CRYBG3: variants seen among roughly 807,000 people sequenced by gnomAD.
CRYBG3 encodes the protein crystallin beta-gamma domain containing 3.
In CRYBG3, 127 loss-of-function variants were observed where a neutral mutation model predicts 244.2. The ratio of observed to expected loss-of-function variants is 0.52; its 90% CI spans 0.45 to 0.60. The LOEUF (loss-of-function observed/expected upper bound fraction) is 0.60, where lower values mean the gene tolerates loss of function less well. Ranked by LOEUF, CRYBG3 falls within the 20% of genes least tolerant of loss-of-function variation. The pLI is 0.00. For synonymous variants in CRYBG3, 1,132 were observed against 1,195.8 expected, an observed-to-expected ratio of 0.95 and a Z score of 1.10; for missense variants, 3,325 against 3,442.5, an observed-to-expected ratio of 0.97 and a Z score of 0.85.
At chr3:97,903,799 G>A (rs2039732218) in intron 15 of CRYBG3, among the ~76,000 whole-genome samples, 1 of 152,140 alleles carries the variant, frequency 6.6e-6, no homozygotes, top group African/African-American at 2.4e-5. Context: ...TCATAATATA[G>A]TGGAGATAAT....
intron 2 of CRYBG3, among the ~76,000 whole-genome samples, chr3:97,859,829 GAGA>G (rs906235697): frequency 6.4e-4 from 98 of 152,226 alleles, no homozygotes; most frequent in African/African-American, 2.3e-3. Context: ...TTACTTGGCA[GAGA>G]AGATGTCCTT....
intron 7 of CRYBG3, among the ~76,000 whole-genome samples, chr3:97,884,994 G>A (rs926648321): frequency 6.6e-6 from 1 of 152,002 alleles, no homozygotes; most frequent in Non-Finnish European, 1.5e-5. Context: ...TATGTATTTT[G>A]TTACTATAAC....
chr3:97,868,893 G>T (rs1209547625), intron 3 of CRYBG3, among the ~76,000 whole-genome samples: 1 of 151,884 alleles, frequency 6.6e-6, no homozygotes, highest in Non-Finnish European at 1.5e-5. Flanking sequence ...TATTTCCACT[G>T]ACCATGAACA....
At chr3:97,911,223 C>T (rs779242363) in intron 15 of CRYBG3, among the ~76,000 whole-genome samples, 1 of 152,164 alleles carries the variant, frequency 6.6e-6, no homozygotes, top group Non-Finnish European at 1.5e-5. Context: ...GCCTTATCCT[C>T]GATGACAGCA....
intron 3 of CRYBG3, among the ~76,000 whole-genome samples, chr3:97,869,985 A>AATGTAT (rs2039282076): frequency 6.6e-6 from 1 of 152,162 alleles, no homozygotes; most frequent in Non-Finnish European, 1.5e-5. Context: ...TTGGCAATAA[A>AATGTAT]ATGTATTTTT....
At chr3:97,942,167 G>T in intron 20 of CRYBG3, 117 bp from the exon 21 acceptor site, 1 of 790,626 alleles carries the variant, frequency 1.3e-6, no homozygotes, top group Non-Finnish European at 1.9e-6. Flanking sequence ...TATTTTTTTA[G>T]ATAAGACACA....
chr3:97,823,162 A>G (rs2038530017), intron 1 of CRYBG3, among the ~76,000 whole-genome samples: 1 of 152,136 alleles, frequency 6.6e-6, no homozygotes, highest in Admixed American at 6.5e-5. Flanking sequence ...CCTCATTTAA[A>G]TGCCTGTTTC....
intron 3 of CRYBG3, among the ~76,000 whole-genome samples, chr3:97,870,742 T>G (rs1283597161): frequency 6.6e-6 from 1 of 152,160 alleles, no homozygotes; most frequent in Non-Finnish European, 1.5e-5. Context: ...CTTTACTTAT[T>G]CATTAATTCA....
chr3:97,853,707 C>A (rs115354327), intron 2 of CRYBG3, among the ~76,000 whole-genome samples: 1 of 152,080 alleles, frequency 6.6e-6, no homozygotes, highest in Non-Finnish European at 1.5e-5. Flanking sequence ...TCACTGAATC[C>A]GTGTCAACAT....
At chr3:97,903,732 A>G (rs1334236575) in intron 15 of CRYBG3, among the ~76,000 whole-genome samples, 1 of 152,200 alleles carries the variant, frequency 6.6e-6, no homozygotes, top group African/African-American at 2.4e-5. Context: ...ATATATTACC[A>G]CATATTGTTA....
rs552097229 is a variant in CRYBG3, at chr3:97,879,760, T to G, written c.6888+12T>G. 224 of 1,587,834 alleles carry G rather than the reference T, an allele frequency of 1.4e-4. No homozygotes were observed. Among genetic ancestry groups the G allele is most frequent in the Non-Finnish European group, 1.8e-4 (209 of 1,161,872 alleles). On this transcript the variant is annotated intron_variant, in intron 5 of 21. Coordinates refer to ENST00000389622, the MANE Select transcript of CRYBG3 (RefSeq NM_153605.4). Reference sequence around the variant, plus strand: ...CAAGACCTGGGAAGGTAAGGATAACTTTCTCAAACTAAGATAAAGGTTAAA... The same window carrying G: ...CAAGACCTGGGAAGGTAAGGATAACGTTCTCAAACTAAGATAAAGGTTAAA...
At position 97,886,681 on chromosome 3, in the gene CRYBG3, T is replaced by C. The variant is rs755031746; in HGVS notation, c.7203T>C (p.Cys2401=). The change falls in exon 8 of 22, where the codon TGT becomes TGC. Residue 2401 remains cysteine, a synonymous_variant. Transcript: ENST00000389622. ...IELFPQSDPA[C]CPVYIQRAVP... ...TTTTCCCACAATCTGACCCAGCCTG[T>C]TGTCCTGTCTACATACAGAGAGCAG... 1.9e-6 allele frequency: 3 copies of C among 1,612,090 alleles called. No homozygotes were observed. The South Asian group carries it at 3.3e-5, about 18-fold the overall frequency.
intron 8 of CRYBG3, among the ~76,000 whole-genome samples, chr3:97,888,015 T>G (rs831903): frequency 0.72 from 110,228 of 152,098 alleles, 41,542 homozygotes; most frequent in East Asian, 0.85. Context: ...AGTGAAATTG[T>G]TTTTGATTTT....
intron 15 of CRYBG3, among the ~76,000 whole-genome samples, chr3:97,900,921 C>T (rs914058600): frequency 5.9e-5 from 9 of 152,134 alleles, no homozygotes; most frequent in Non-Finnish European, 1.3e-4. Flanking sequence ...GAACTTGAAA[C>T]CCTATATTCA....
chr3:97,939,258 G>A (rs1027850686), intron 19 of CRYBG3, among the ~76,000 whole-genome samples: 1 of 151,872 alleles, frequency 6.6e-6, no homozygotes, highest in Non-Finnish European at 1.5e-5. Flanking sequence ...TTCCTATTCT[G>A]ATTAAACATT....
At chr3:97,903,909 G>T (rs907770156) in intron 15 of CRYBG3, among the ~76,000 whole-genome samples, 1 of 152,116 alleles carries the variant, frequency 6.6e-6, no homozygotes, top group Non-Finnish European at 1.5e-5. Flanking sequence ...TTTCCAGTTG[G>T]GGAGCTGTTA....
At chr3:97,904,401 T>C (rs1480190432) in intron 15 of CRYBG3, among the ~76,000 whole-genome samples, 1 of 152,202 alleles carries the variant, frequency 6.6e-6, no homozygotes, top group African/African-American at 2.4e-5. Context: ...TTTATAACAT[T>C]ATTTCTGCGT....
chr3:97,918,003 G>A (rs1043604578), intron 17 of CRYBG3, among the ~76,000 whole-genome samples: 13 of 151,922 alleles, frequency 8.6e-5, no homozygotes, highest in Middle Eastern at 3.4e-3. Context: ...GCCTTTTTTC[G>A]TAGATTTCCT....
rs542018819 is a variant in CRYBG3, at chr3:97,869,145, G to T, written c.648-2697G>T. Among the ~76,000 whole-genome samples the T allele has an allele frequency of 2.6e-5, 4 of 151,838 alleles. No individual in the cohort carries two copies. The South Asian group carries it at 6.2e-4, about 24-fold the overall frequency. The stretch of plus-strand genomic sequence containing the variant: ...ATTCATTTACCTATTTTTGCTTCTT[G>T]CCTATTTTCATGGACTGGTTGCCTT... On this transcript the variant is annotated intron_variant, in intron 3 of 21. Transcript: ENST00000389622.
Sources: allele counts gnomAD v4.1 joint callset (sites outside exome capture counted in the v4.1 genomes callset), GRCh38; gene constraint gnomAD v4.1.1; transcripts MANE v1.5; gene names NCBI Gene and HGNC (gene_info 2026-07-23, HGNC 2026-07-21).